Variants in UBE3C observed in about 807,000 individuals in gnomAD.
UBE3C encodes ubiquitin protein ligase E3C.
In UBE3C, 42 loss-of-function variants were observed where a neutral mutation model predicts 129.4. The ratio of observed to expected loss-of-function variants is 0.32; its 90% CI spans 0.25 to 0.42. The LOEUF (loss-of-function observed/expected upper bound fraction) is 0.42. Ranked by LOEUF, UBE3C falls within the 10% of genes least tolerant of loss-of-function variation. UBE3C has a pLI of 1.00. For synonymous variants in UBE3C, 510 were observed against 492.4 expected (o/e 1.04, Z -0.47); for missense variants, 1,049 against 1,319.1 (o/e 0.80, Z 3.17).
At chr7:157,185,865 G>A (rs1294259008) in intron 9 of UBE3C, among the ~76,000 whole-genome samples, 2 of 152,028 alleles carry the variant, frequency 1.3e-5, no homozygotes, top group African/African-American at 2.4e-5. Flanking sequence ...ATAAAACAGT[G>A]TTTTGTTTGG....
chr7:157,192,875 AAAG>A (rs1049926958), intron 10 of UBE3C: 231 of 900,218 alleles, frequency 2.6e-4, no homozygotes, highest in Non-Finnish European at 3.4e-4. Flanking sequence ...AAAAAAAAAA[AAAG>A]AAGGGATTAT....
At chr7:157,148,997 T>TA (rs569612602) in intron 1 of UBE3C, among the ~76,000 whole-genome samples, 3 of 152,220 alleles carry the variant, frequency 2.0e-5, no homozygotes, top group Non-Finnish European at 4.4e-5. Context: ...ACAGTTATGC[T>TA]GTATCCTTTA....
At chr7:157,153,871 T>C (rs769426197) in intron 1 of UBE3C, among the ~76,000 whole-genome samples, 12 of 151,504 alleles carry the variant, frequency 7.9e-5, no homozygotes, top group Non-Finnish European at 1.6e-4. Context: ...TATGTACCTG[T>C]GGTTTCAGTT....
chr7:157,171,017 G>T (rs558565789), intron 4 of UBE3C, among the ~76,000 whole-genome samples: 1 of 151,612 alleles, frequency 6.6e-6, no homozygotes, highest in African/African-American at 2.4e-5. Flanking sequence ...TTGCTATGTT[G>T]CCCAGGCTGG....
chr7:157,188,463 C>T (rs1011270859), intron 10 of UBE3C, among the ~76,000 whole-genome samples: 2 of 152,284 alleles, frequency 1.3e-5, no homozygotes, highest in East Asian at 1.9e-4. Flanking sequence ...AGCTCTTTGC[C>T]GGCTAATTGC....
intron 19 of UBE3C, among the ~76,000 whole-genome samples, chr7:157,249,568 C>T (rs1250119596): frequency 2.0e-5 from 3 of 152,206 alleles, no homozygotes; most frequent in Non-Finnish European, 4.4e-5. Context: ...CTGCCTTGGC[C>T]TCCTGAAGTG....
At chr7:157,237,011 C>T (rs1210227082) in intron 18 of UBE3C, among the ~76,000 whole-genome samples, 2 of 152,046 alleles carry the variant, frequency 1.3e-5, no homozygotes, top group African/African-American at 4.8e-5. Context: ...GCATTACAGG[C>T]GTGAGCCAGC....
chr7:157,174,976 G>T lies in UBE3C; in HGVS notation c.400G>T (p.Gly134Ter), dbSNP rs1324701838. Reference sequence around the variant, plus strand: ...CTCTCTGTTTGTCAAGCAGTTGGATGGATCTGAGAGACTTACATGCTTATT... The same window carrying T: ...CTCTCTGTTTGTCAAGCAGTTGGATTGATCTGAGAGACTTACATGCTTATT... ...HSSLFVKQLDGSERLTCLFQI... is the reference protein window; with the variant it reads ...HSSLFVKQLD Residue 134 changes from glycine (G) to a stop codon, truncating the protein, a stop_gained, in exon 5 of 23, where the codon GGA becomes TGA. Coordinates refer to ENST00000348165, the MANE Select transcript of UBE3C (RefSeq NM_014671.3). LOFTEE classifies it high-confidence loss of function. The T allele has an allele frequency of 6.2e-7, 1 of 1,612,658 alleles. No individual in the cohort carries two copies. Among genetic ancestry groups the T allele is most frequent in the Non-Finnish European group, 8.5e-7 (1 of 1,179,450 alleles).
At chr7:157,147,417 T>C (rs7801905) in intron 1 of UBE3C, among the ~76,000 whole-genome samples, 72,331 of 152,024 alleles carry the variant, frequency 0.48, 19,817 homozygotes, top group African/African-American at 0.77. Context: ...GTTCCAGGAG[T>C]GGTTTTTTGG....
intron 2 of UBE3C, among the ~76,000 whole-genome samples, chr7:157,164,104 A>G (rs549697332): frequency 1.3e-5 from 2 of 152,146 alleles, no homozygotes; most frequent in African/African-American, 4.8e-5. Flanking sequence ...ACATAATGAT[A>G]TGGTTTCCAG....
chr7:157,223,230 T>C (rs760959953), intron 15 of UBE3C, 24 bp from the exon 16 acceptor site: 19 of 1,611,164 alleles, frequency 1.2e-5, no homozygotes, highest in Middle Eastern at 1.6e-4. Context: ...AGTGAACTAA[T>C]TAAGGTTTTA....
At chr7:157,170,134 T>C (rs1808326242) in intron 3 of UBE3C, among the ~76,000 whole-genome samples, 170 bp from the exon 4 acceptor site, 1 of 149,090 alleles carries the variant, frequency 6.7e-6, no homozygotes, top group Admixed American at 6.7e-5. Flanking sequence ...TTTTTTTTTT[T>C]CTTTTTAACC....
At chr7:157,234,563 T>C (rs1796106651) in intron 18 of UBE3C, among the ~76,000 whole-genome samples, 1 of 152,210 alleles carries the variant, frequency 6.6e-6, no homozygotes, top group Admixed American at 6.5e-5. Flanking sequence ...ATCCTGGATA[T>C]AGAATAATTC....
intron 10 of UBE3C, among the ~76,000 whole-genome samples, chr7:157,192,037 A>AT (rs1343322290): frequency 1.3e-5 from 2 of 152,240 alleles, no homozygotes; most frequent in African/African-American, 4.8e-5. Flanking sequence ...GCACATAGTG[A>AT]TCTTAAAATT....
intron 8 of UBE3C, among the ~76,000 whole-genome samples, chr7:157,183,254 A>C (rs1272754066): frequency 1.3e-5 from 2 of 152,186 alleles, no homozygotes; most frequent in Non-Finnish European, 2.9e-5. Context: ...CCCACTTCAG[A>C]GGCCGATTAC....
At chr7:157,160,792 G>T (rs974229183) in intron 1 of UBE3C, among the ~76,000 whole-genome samples, 7 of 152,088 alleles carry the variant, frequency 4.6e-5, no homozygotes, top group Admixed American at 2.6e-4. Context: ...TCTGTTTTCT[G>T]CTTTTCTCTT....
chr7:157,204,892 T>C (rs561875227), intron 11 of UBE3C, among the ~76,000 whole-genome samples: 1 of 152,298 alleles, frequency 6.6e-6, no homozygotes, highest in East Asian at 1.9e-4. Flanking sequence ...AAAAGCTCTT[T>C]GCAAGGGTGG....
chr7:157,168,715 A>G (rs767001351), intron 2 of UBE3C, among the ~76,000 whole-genome samples: 42 of 152,242 alleles, frequency 2.8e-4, no homozygotes, highest in Admixed American at 1.8e-3. Flanking sequence ...GTATGATTCC[A>G]TTATATGAAG....
chr7:157,220,818 A>G lies in UBE3C; in HGVS notation c.2002+42A>G, dbSNP rs369332981. On this transcript the variant is annotated intron_variant, in intron 15 of 22. Transcript: ENST00000348165. ...ACAGGGTTACTGAGGTATGAATTAC[A>G]TGCTGTCAAATTCACTCCTTTAATC... is the stretch of plus-strand genomic sequence containing the variant. 27 of 1,598,850 alleles carry G rather than the reference A, an allele frequency of 1.7e-5. No homozygotes were observed. In the South Asian group the frequency reaches 2.4e-4, roughly 14 times the overall value.
Sources: gnomAD v4.1 joint callset for allele counts (sites outside exome capture counted in the v4.1 genomes callset) on GRCh38, gnomAD v4.1.1 for gene constraint, MANE v1.5 for transcripts, NCBI Gene and HGNC (gene_info 2026-07-23, HGNC 2026-07-21) for gene names.